The following MAML2 variants were observed in gnomAD, a reference collection of about 807,000 sequenced individuals.
The protein encoded by MAML2 is mastermind-like protein 2.
MAML2 carries 22 observed loss-of-function variants against 96.1 expected under a neutral mutation model. The observed-to-expected ratio is 0.23, with a 90% CI of 0.16 to 0.33. The LOEUF is 0.33. MAML2 is among the 10% of genes least tolerant of loss of function. MAML2 has a pLI of 1.00. For synonymous variants in MAML2, 561 were observed against 521.3 expected, an observed-to-expected ratio of 1.08 and a Z score of -1.04; for missense variants, 1,367 against 1,392.4, an observed-to-expected ratio of 0.98 and a Z score of 0.29.
intron 1 of MAML2, among the ~76,000 whole-genome samples, chr11:96,313,370 G>A (rs1031176192): frequency 1.3e-5 from 2 of 152,122 alleles, no homozygotes; most frequent in Admixed American, 6.5e-5. Flanking sequence ...GCAGCTCTCC[G>A]GGCCATTCTG....
chr11:96,078,510 G>T (rs1859480401), intron 2 of MAML2, among the ~76,000 whole-genome samples: 1 of 152,186 alleles, frequency 6.6e-6, no homozygotes, highest in Non-Finnish European at 1.5e-5. Flanking sequence ...CTCAAAATCA[G>T]AGACGGTTCA....
At chr11:96,324,396 G>A (rs893275333) in intron 1 of MAML2, among the ~76,000 whole-genome samples, 1 of 152,104 alleles carries the variant, frequency 6.6e-6, no homozygotes, top group African/African-American at 2.4e-5. Context: ...TTTTTTTAAT[G>A]TGTTGAACCA....
chr11:96,274,070 CCTTTTCCTTTTTTTTTTTT>C (rs1333364206), intron 1 of MAML2, among the ~76,000 whole-genome samples: 1 of 143,014 alleles, frequency 7.0e-6, no homozygotes, highest in Non-Finnish European at 1.5e-5. Context: ...TTTTCTTTTT[CCTTTTCCTTTTTTTTTTTT>C]TTTTTTTTTT....
At chr11:96,052,687 T>A (rs1859006467) in intron 2 of MAML2, among the ~76,000 whole-genome samples, 1 of 152,130 alleles carries the variant, frequency 6.6e-6, no homozygotes, top group South Asian at 2.1e-4. Context: ...GTGTATAGAG[T>A]CTTAGACCAA....
chr11:96,069,436 A>G (rs1371689133), intron 2 of MAML2, among the ~76,000 whole-genome samples: 2 of 151,978 alleles, frequency 1.3e-5, no homozygotes, highest in African/African-American at 4.8e-5. Flanking sequence ...AACTTTGGGA[A>G]GCCGAGGTGG....
intron 1 of MAML2, among the ~76,000 whole-genome samples, chr11:96,117,274 T>C (rs1450829330): frequency 6.6e-5 from 10 of 150,514 alleles, no homozygotes; most frequent in Non-Finnish European, 1.5e-4. Flanking sequence ...CCAGTATCTG[T>C]CATGCTGCAA....
intron 1 of MAML2, among the ~76,000 whole-genome samples, chr11:96,302,886 G>A (rs1863408117): frequency 6.6e-6 from 1 of 152,046 alleles, no homozygotes; most frequent in Non-Finnish European, 1.5e-5. Flanking sequence ...ATTTAATTCT[G>A]TTCCTGTTGA....
In MAML2 at chr11:95,977,961, G is replaced by A. The variant is rs978127134; in HGVS notation, c.*987C>T. ...CCAAAACATGATATTTTCTAATCTC[G>A]GTTTTCTTCTCCAAACTTCCTTTTC... On this transcript the variant is annotated 3_prime_UTR_variant, in exon 5 of 5. Transcript: ENST00000524717. 4.5e-5 allele frequency: 10 copies of A among 221,980 alleles called. No homozygotes were observed. Among genetic ancestry groups the A allele is most frequent in the Admixed American group, 1.7e-4 (3 of 17,394 alleles). The allele number at this position is 221,980 out of a possible 1,614,324, so 13.8% of individuals were successfully genotyped here.
chr11:96,008,441 A>G (rs1257317390), intron 2 of MAML2, among the ~76,000 whole-genome samples: 1 of 152,190 alleles, frequency 6.6e-6, no homozygotes, highest in East Asian at 1.9e-4. Context: ...GTGCTTTTTT[A>G]AAATGATATA....
At chr11:96,274,105 A>C (rs564618443) in intron 1 of MAML2, among the ~76,000 whole-genome samples, 1 of 116,666 alleles carries the variant, frequency 8.6e-6, no homozygotes, top group Admixed American at 1.0e-4. Context: ...TTTTTTTAGA[A>C]GGAGTCTCGC....
intron 1 of MAML2, among the ~76,000 whole-genome samples, chr11:96,167,521 C>A (rs1237858200): frequency 6.6e-6 from 1 of 152,198 alleles, no homozygotes; most frequent in Non-Finnish European, 1.5e-5. Flanking sequence ...TCACTCTCAG[C>A]CTCCTCTTTG....
chr11:96,137,947 T>C (rs114512517), intron 1 of MAML2, among the ~76,000 whole-genome samples: 98 of 152,308 alleles, frequency 6.4e-4, no homozygotes, highest in African/African-American at 2.2e-3. Flanking sequence ...ACAATATTCC[T>C]GTATCCATCA....
chr11:96,208,116 A>C (rs941453094), intron 1 of MAML2, among the ~76,000 whole-genome samples: 2 of 152,336 alleles, frequency 1.3e-5, no homozygotes, highest in African/African-American at 4.8e-5. Context: ...AGTCATAAAA[A>C]GTATTATTAG....
intron 1 of MAML2, among the ~76,000 whole-genome samples, chr11:96,206,598 A>T (rs902456294): frequency 1.3e-5 from 2 of 152,166 alleles, no homozygotes; most frequent in Admixed American, 1.3e-4. Context: ...ACTCCATCTC[A>T]AAAAAATAGA....
intron 1 of MAML2, among the ~76,000 whole-genome samples, chr11:96,117,689 TA>T (rs1462559937): frequency 6.6e-6 from 1 of 152,112 alleles, no homozygotes; most frequent in African/African-American, 2.4e-5. Flanking sequence ...ACCTTGACAA[TA>T]TACAATCTTC....
chr11:96,275,502 CTCG>C (rs1862977344), intron 1 of MAML2, among the ~76,000 whole-genome samples: 1 of 151,992 alleles, frequency 6.6e-6, no homozygotes, highest in South Asian at 2.1e-4. Flanking sequence ...GTCTCCTGAC[CTCG>C]TGATCCACCC....
chr11:95,991,617 A>G lies in MAML2; in HGVS notation c.2246T>C (p.Leu749Ser), dbSNP rs993851946. The G allele has an allele frequency of 6.2e-7, 1 of 1,613,792 alleles. No homozygotes were observed. The change falls in exon 3 of 5, where the codon TTG becomes TCG. Residue 749 changes from leucine to serine, a missense_variant. Leu to Ser is a moderately radical substitution (Grantham distance 145). Coordinates refer to ENST00000524717, the MANE Select transcript of MAML2 (RefSeq NM_032427.4). ...CTTCTTTCCCATCAATTGCTGATTCAACAGTGATTGCTGGGAGTTCATGTA... is the reference window on the plus strand; with the variant it reads ...CTTCTTTCCCATCAATTGCTGATTCGACAGTGATTGCTGGGAGTTCATGTA... ...SGYMNSQQSLLNQQLMGKKQT... is the reference protein window; with the variant it reads ...SGYMNSQQSLSNQQLMGKKQT...
chr11:96,141,963 A>C (rs752527841), intron 1 of MAML2, among the ~76,000 whole-genome samples: 3 of 152,198 alleles, frequency 2.0e-5, no homozygotes, highest in African/African-American at 2.4e-5. Flanking sequence ...GCGATCAAAA[A>C]AGCTAGCCTG....
intron 1 of MAML2, among the ~76,000 whole-genome samples, chr11:96,327,735 A>G (rs1013578831): frequency 2.0e-5 from 3 of 151,958 alleles, no homozygotes; most frequent in African/African-American, 7.3e-5. Context: ...CATACTCTTC[A>G]ATGTATTTCT....
Sources: gnomAD v4.1 joint callset for allele counts (sites outside exome capture counted in the v4.1 genomes callset) on GRCh38, gnomAD v4.1.1 for gene constraint, MANE v1.5 for transcripts, NCBI Gene and HGNC (gene_info 2026-07-23, HGNC 2026-07-21) for gene names.